The following CREB3L2 variants were observed in gnomAD, a reference collection of about 807,000 sequenced individuals.
CREB3L2 encodes the protein cAMP responsive element binding protein 3 like 2, also known as cyclic AMP-responsive element-binding protein 3-like protein 2.
A neutral mutation model predicts 57.2 loss-of-function variants in CREB3L2; 23 were observed. That is an observed-to-expected ratio of 0.40 (90% confidence interval 0.29 to 0.57). CREB3L2 has a LOEUF of 0.57. Ranked by LOEUF, CREB3L2 falls within the 20% of genes least tolerant of loss-of-function variation. The pLI is 0.42. For missense variants in CREB3L2, 628 were observed against 634.7 expected (o/e 0.99, Z 0.11); for synonymous variants, 268 against 265.1 (o/e 1.01, Z -0.11).
intron 1 of CREB3L2, chr7:137,955,292 A>G: frequency 7.8e-7 from 1 of 1,289,196 alleles, no homozygotes; most frequent in Non-Finnish European, 1.0e-6. Flanking sequence ...CTAAGGAGCA[A>G]GCAGCAAAGC....
chr7:137,963,835 G>GTT (rs939455985), intron 1 of CREB3L2, among the ~76,000 whole-genome samples: 1 of 150,704 alleles, frequency 6.6e-6, no homozygotes, highest in Admixed American at 6.6e-5. Context: ...TTATTTTGGT[G>GTT]TTTTTTTTTA....
chr7:137,907,077 T>C (rs1423051720), intron 5 of CREB3L2, among the ~76,000 whole-genome samples: 2 of 152,200 alleles, frequency 1.3e-5, no homozygotes, highest in African/African-American at 4.8e-5. Context: ...GAGATTTGAA[T>C]TGGGCCTCCT....
At chr7:137,947,885 C>G (rs889076692) in intron 1 of CREB3L2, among the ~76,000 whole-genome samples, 5 of 152,202 alleles carry the variant, frequency 3.3e-5, no homozygotes, top group Non-Finnish European at 5.9e-5. Flanking sequence ...CCTTCCCCTG[C>G]CCTGTCTTTA....
intron 1 of CREB3L2, among the ~76,000 whole-genome samples, chr7:137,986,328 C>T (rs1334516336): frequency 6.6e-6 from 1 of 151,822 alleles, no homozygotes; most frequent in Non-Finnish European, 1.5e-5. Context: ...AACAGACAAG[C>T]ACACTTATCA....
intron 4 of CREB3L2, among the ~76,000 whole-genome samples, chr7:137,909,086 C>T (rs1056800445): frequency 6.6e-6 from 1 of 152,128 alleles, no homozygotes; most frequent in African/African-American, 2.4e-5. Context: ...GGTGACAGAG[C>T]GAGAATCCAT....
chr7:137,877,083 T>G lies in CREB3L2; in HGVS notation c.*3393A>C, dbSNP rs1799171315. On this transcript the variant is annotated 3_prime_UTR_variant, in exon 12 of 12. Transcript: ENST00000330387. ...TTAAAAAACACTTATGAAAAAATGC[T>G]GGACACTTGACTCACTGCCAGAACA... The G allele has an allele frequency of 4.4e-6, 1 of 229,030 alleles. No homozygotes were observed. Among genetic ancestry groups the G allele is most frequent in the Non-Finnish European group, 8.7e-6 (1 of 115,410 alleles). 14.2% of individuals were successfully genotyped at this position (229,030 alleles called of 1,614,324 possible).
intron 1 of CREB3L2, among the ~76,000 whole-genome samples, chr7:137,968,253 C>T (rs1336822198): frequency 6.6e-6 from 1 of 151,590 alleles, no homozygotes; most frequent in Admixed American, 6.6e-5. Context: ...GGTACATGTG[C>T]ACAACGTGCA....
At chr7:137,965,255 T>C (rs1400519385) in intron 1 of CREB3L2, among the ~76,000 whole-genome samples, 1 of 152,224 alleles carries the variant, frequency 6.6e-6, no homozygotes, top group Non-Finnish European at 1.5e-5. Flanking sequence ...TTACTTACGA[T>C]TTTTCTATAA....
intron 1 of CREB3L2, chr7:137,955,373 G>C (rs1801188223): frequency 1.7e-6 from 2 of 1,184,048 alleles, no homozygotes; most frequent in African/African-American, 3.1e-5. Flanking sequence ...GAAGATGGCA[G>C]TCTTATGATT....
intron 1 of CREB3L2, among the ~76,000 whole-genome samples, chr7:137,972,772 A>AG (rs1554503575): frequency 7.5e-6 from 1 of 132,748 alleles, no homozygotes; most frequent in Non-Finnish European, 1.6e-5. Context: ...GAGAGAGAGA[A>AG]AAGAAAAAGA....
chr7:137,958,072 T>C (rs1276552495), intron 1 of CREB3L2: 1 of 248,670 alleles, frequency 4.0e-6, no homozygotes, highest in East Asian at 1.1e-4. Context: ...CTAATTTCCA[T>C]GGTCACCAAG....
chr7:137,962,513 G>GCA (rs1409123925), intron 1 of CREB3L2, among the ~76,000 whole-genome samples: 1 of 151,934 alleles, frequency 6.6e-6, no homozygotes, highest in African/African-American at 2.4e-5. Flanking sequence ...CCCAGCTCCA[G>GCA]CATACACCCT....
At chr7:137,968,098 G>A (rs1309318409) in intron 1 of CREB3L2, among the ~76,000 whole-genome samples, 2 of 152,052 alleles carry the variant, frequency 1.3e-5, no homozygotes, top group African/African-American at 4.8e-5. Context: ...TGACTTTAAA[G>A]TCTATTTTCT....
At chr7:137,920,077 A>G (rs899931083) in intron 2 of CREB3L2, among the ~76,000 whole-genome samples, 3 of 152,144 alleles carry the variant, frequency 2.0e-5, no homozygotes, top group African/African-American at 7.2e-5. Flanking sequence ...TGACTCAGTA[A>G]GAGTCAATGA....
chr7:137,922,644 C>G (rs1227083225), intron 2 of CREB3L2: 2 of 448,640 alleles, frequency 4.5e-6, no homozygotes, highest in Non-Finnish European at 9.0e-6. Flanking sequence ...TTGAACCATG[C>G]GGGTCCACTC....
At chr7:137,910,015 C>CA (rs1435558251) in intron 4 of CREB3L2, among the ~76,000 whole-genome samples, 2 of 152,158 alleles carry the variant, frequency 1.3e-5, no homozygotes, top group Non-Finnish European at 2.9e-5. Flanking sequence ...CCTCCTTATC[C>CA]ACGTGGAACT....
intron 8 of CREB3L2, among the ~76,000 whole-genome samples, chr7:137,887,181 C>T (rs1799438298): frequency 6.6e-6 from 1 of 152,178 alleles, no homozygotes. Context: ...TAACTTGCTT[C>T]TCACCACAGT....
At chr7:137,975,265 G>A (rs1053379180) in intron 1 of CREB3L2, among the ~76,000 whole-genome samples, 1 of 152,158 alleles carries the variant, frequency 6.6e-6, no homozygotes, top group Non-Finnish European at 1.5e-5. Flanking sequence ...CAAAAGTCCA[G>A]GAGAACAGAT....
chr7:137,882,024 G>C (rs1022195970), intron 11 of CREB3L2, among the ~76,000 whole-genome samples: 1 of 152,136 alleles, frequency 6.6e-6, no homozygotes, highest in African/African-American at 2.4e-5. Context: ...CTACTCCCTA[G>C]TTGAAGCCAT....
Sources: gnomAD v4.1 joint callset for allele counts (sites outside exome capture counted in the v4.1 genomes callset) on GRCh38, gnomAD v4.1.1 for gene constraint, MANE v1.5 for transcripts, NCBI Gene and HGNC (gene_info 2026-07-23, HGNC 2026-07-21) for gene names.